PTPN1: variants seen among roughly 807,000 people sequenced by gnomAD.
PTPN1 encodes protein tyrosine phosphatase non-receptor type 1.
Under a neutral mutation model 59.9 loss-of-function variants are expected in PTPN1, and 12 were observed. The observed-to-expected ratio is 0.20, with a 90% confidence interval of 0.13 to 0.32. The LOEUF (loss-of-function observed/expected upper bound fraction) is 0.32, where lower values mean the gene tolerates loss of function less well. Among genes scored for constraint, PTPN1 ranks in the 10% least tolerant of loss-of-function variants. The probability of loss-of-function intolerance (pLI) is 1.00; values close to 1 mark genes in which losing one functional copy is unlikely to be tolerated. For synonymous variants in PTPN1, 178 were observed against 203.6 expected, an observed-to-expected ratio of 0.87 and a Z score of 1.07; for missense variants, 356 against 549.2, an observed-to-expected ratio of 0.65 and a Z score of 3.52.
At chr20:50,579,999 TG>T in intron 8 of PTPN1, 73 bp downstream of exon 8, 1 of 1,371,660 alleles carries the variant, frequency 7.3e-7, no homozygotes. Flanking sequence ...ACGCTGGTAC[TG>T]AAACCCTGTG....
At chr20:50,537,463 T>A (rs906853487) in intron 1 of PTPN1, among the ~76,000 whole-genome samples, 3 of 152,346 alleles carry the variant, frequency 2.0e-5, no homozygotes, top group Admixed American at 6.5e-5. Context: ...ATACTGACAT[T>A]GATACAGTCT....
chr20:50,561,517 A>G, intron 2 of PTPN1, 64 bp downstream of exon 2: 1 of 1,043,202 alleles, frequency 9.6e-7, no homozygotes, highest in South Asian at 1.5e-5. Flanking sequence ...TTTAGTCAAG[A>G]CTCCTTTCGC....
At chr20:50,534,424 C>T (rs938166666) in intron 1 of PTPN1, among the ~76,000 whole-genome samples, 1 of 152,092 alleles carries the variant, frequency 6.6e-6, no homozygotes, top group Admixed American at 6.6e-5. Context: ...AGTCAGTAAC[C>T]ATAAGATTTT....
At position 50,574,438 on chromosome 20, in the gene PTPN1, G is replaced by A. The variant is rs1234199742; in HGVS notation, c.355-79G>A. On this transcript the variant is annotated intron_variant, in intron 4 of 9. Coordinates refer to ENST00000371621, the MANE Select transcript of PTPN1 (RefSeq NM_002827.4). The stretch of plus-strand genomic sequence containing the variant: ...AGGCCTTTGAGTTATCATGAAGCTT[G>A]TGGGATGTGCTCCAAGCCTCCTGCC... The A allele has an allele frequency of 5.8e-6, 8 of 1,389,236 alleles. No individual in the cohort carries two copies. The East Asian group carries it at 1.5e-4, about 26-fold the overall frequency. The allele number at this position is 1,389,236 out of a possible 1,614,324, so 86.1% of individuals were successfully genotyped here. A position where few individuals can be genotyped will look rare whatever the true frequency, so the allele number is the denominator to read the frequency against.
At chr20:50,544,058 C>A (rs548342860) in intron 1 of PTPN1, among the ~76,000 whole-genome samples, 1 of 152,136 alleles carries the variant, frequency 6.6e-6, no homozygotes, top group African/African-American at 2.4e-5. Flanking sequence ...GTTGTCCAGG[C>A]TGATCTCAAA....
chr20:50,582,896 C>G lies in PTPN1; in HGVS notation c.*181C>G. The G allele has an allele frequency of 2.9e-6, 2 of 682,174 alleles. No homozygotes were observed. Among genetic ancestry groups the G allele is most frequent in the Non-Finnish European group, 5.0e-6 (2 of 402,042 alleles). The allele number at this position is 682,174 out of a possible 1,614,324, so 42.3% of individuals were successfully genotyped here. ...CCCGGATGTGTGTCTCACCCCTCAT[C>G]CTTTTACTTTTTGCCCCTTCCACTT... On this transcript the variant is annotated 3_prime_UTR_variant, in exon 10 of 10. Coordinates refer to ENST00000371621, the MANE Select transcript of PTPN1 (RefSeq NM_002827.4). This position sits in a 1 kb window ranked among gnomAD's most constrained non-coding sequence, Gnocchi z 4.2.
In PTPN1 at chr20:50,510,482, G is replaced by T. The variant is rs997979068; in HGVS notation, c.-46G>T. 2 of 1,544,632 alleles carry T rather than the reference G, an allele frequency of 1.3e-6. No individual in the cohort carries two copies. The highest frequency in any genetic ancestry group is 1.7e-6 in the Non-Finnish European group (2 of 1,143,592). ...CGCGACGCGGCCTAGAGCGGCAGAC[G>T]GCGCAGTGGGCCGAGAAGGAGGCGC... On this transcript the variant is annotated 5_prime_UTR_variant, in exon 1 of 10. Transcript: ENST00000371621.
intron 1 of PTPN1, among the ~76,000 whole-genome samples, chr20:50,553,144 C>G (rs2082710848): frequency 6.6e-6 from 1 of 152,236 alleles, no homozygotes; most frequent in South Asian, 2.1e-4. Context: ...AAAACAGTGC[C>G]TGACACACAG....
chr20:50,545,231 C>T (rs2082669823), intron 1 of PTPN1, among the ~76,000 whole-genome samples: 1 of 152,142 alleles, frequency 6.6e-6, no homozygotes, highest in Non-Finnish European at 1.5e-5. Context: ...GTTGGGATTA[C>T]AGGCATCAGC....
chr20:50,568,324 A>G lies in PTPN1; in HGVS notation c.256-56A>G, dbSNP rs1389855297. 9.4e-6 allele frequency: 14 copies of G among 1,493,514 alleles called. No homozygotes were observed. The Admixed American group carries it at 2.2e-4, about 23-fold the overall frequency. The allele number at this position is 1,493,514 out of a possible 1,614,324, so 92.5% of individuals were successfully genotyped here. A position where few individuals can be genotyped will look rare whatever the true frequency, so the allele number is the denominator to read the frequency against. ...TTAGCTGACTGCAGAAGGTGAGCAC[A>G]CGCTGTAGCATGTTATGTTTCAGAT... On this transcript the variant is annotated intron_variant, in intron 3 of 9. Transcript: ENST00000371621. This position sits in a 1 kb window ranked among gnomAD's most constrained non-coding sequence, Gnocchi z 5.6.
At chr20:50,578,161 G>T in intron 5 of PTPN1, 1 of 453,388 alleles carries the variant, frequency 2.2e-6, no homozygotes, top group Non-Finnish European at 4.1e-6. Context: ...GTGATAGGGA[G>T]AAAAGAGGTG....
chr20:50,555,649 G>A (rs1054181750), intron 1 of PTPN1, among the ~76,000 whole-genome samples: 18 of 151,790 alleles, frequency 1.2e-4, no homozygotes, highest in Non-Finnish European at 2.5e-4. Flanking sequence ...TTTTTAAAAA[G>A]TATTATGTAG....
chr20:50,548,073 C>T (rs767462901), intron 1 of PTPN1, among the ~76,000 whole-genome samples: 3 of 152,078 alleles, frequency 2.0e-5, no homozygotes, highest in African/African-American at 4.8e-5. Context: ...CGTTTGCCTC[C>T]GTGTCTCAGT....
intron 1 of PTPN1, chr20:50,558,078 TC>T (rs1386665375): frequency 6.6e-6 from 1 of 152,208 alleles, no homozygotes; most frequent in Non-Finnish European, 1.5e-5. Flanking sequence ...CAAGTGAGCC[TC>T]CTGCCTCAGC....
intron 1 of PTPN1, among the ~76,000 whole-genome samples, chr20:50,529,788 G>T (rs1225757117): frequency 6.6e-6 from 1 of 152,166 alleles, no homozygotes; most frequent in Non-Finnish European, 1.5e-5. Context: ...GGGCTTTATA[G>T]CTTTGAGCTG....
chr20:50,582,610 G>T lies in PTPN1; in HGVS notation c.1285-82G>T. 1 of 1,467,476 alleles carries T rather than the reference G, an allele frequency of 6.8e-7. No homozygotes were observed. Among genetic ancestry groups the T allele is most frequent in the Non-Finnish European group, 9.4e-7 (1 of 1,061,102 alleles). 90.9% of individuals were successfully genotyped at this position (1,467,476 alleles called of 1,614,324 possible). On this transcript the variant is annotated intron_variant, in intron 9 of 9. Coordinates refer to ENST00000371621, the MANE Select transcript of PTPN1 (RefSeq NM_002827.4). This position sits in a 1 kb window ranked among gnomAD's most constrained non-coding sequence, Gnocchi z 4.2. ...TCCCTCGGAGGTTGAAGTTGCCGGG[G>T]GGTGTGGCCGGGGTCATGCATGAGG... is the stretch of plus-strand genomic sequence containing the variant.
chr20:50,519,480 A>G (rs933707581), intron 1 of PTPN1, among the ~76,000 whole-genome samples: 1 of 152,256 alleles, frequency 6.6e-6, no homozygotes, highest in Non-Finnish European at 1.5e-5. Flanking sequence ...GAAAGTAGGA[A>G]ATAGATGGCT....
chr20:50,535,542 G>A (rs752670567), intron 1 of PTPN1, among the ~76,000 whole-genome samples: 72 of 151,996 alleles, frequency 4.7e-4, no homozygotes, highest in Non-Finnish European at 1.0e-3. Flanking sequence ...GCCCTAATTC[G>A]CCTTAGGACT....
chr20:50,528,795 A>G (rs2082588743), intron 1 of PTPN1, among the ~76,000 whole-genome samples: 1 of 152,008 alleles, frequency 6.6e-6, no homozygotes, highest in Non-Finnish European at 1.5e-5. Context: ...CTGAATGAAT[A>G]GATGAGAATG....
Sources: allele counts gnomAD v4.1 joint callset (sites outside exome capture counted in the v4.1 genomes callset), GRCh38; gene constraint gnomAD v4.1.1; non-coding constraint Gnocchi (gnomAD v3.1); transcripts MANE v1.5; gene names NCBI Gene and HGNC (gene_info 2026-07-23, HGNC 2026-07-21).